ACSL6: variants seen among roughly 807,000 people sequenced by gnomAD.
ACSL6 encodes the protein acyl-CoA synthetase long chain family member 6.
Under a neutral mutation model 98.2 loss-of-function variants are expected in ACSL6, and 47 were observed. The observed-to-expected ratio is 0.48, with a 90% CI of 0.38 to 0.61. The LOEUF is 0.61. Among genes scored for constraint, ACSL6 ranks in the 20% least tolerant of loss-of-function variants. ACSL6 has a pLI of 0.00. For missense variants in ACSL6, 761 were observed against 913.4 expected, an observed-to-expected ratio of 0.83 and a Z score of 2.15; for synonymous variants, 362 against 336.9, an observed-to-expected ratio of 1.07 and a Z score of -0.82.
At chr5:131,979,227 C>G (rs1430138754) in intron 9 of ACSL6, among the ~76,000 whole-genome samples, 1 of 152,188 alleles carries the variant, frequency 6.6e-6, no homozygotes, top group African/African-American at 2.4e-5. Context: ...CAAGTGTCAC[C>G]TAGCAATTTC....
intron 11 of ACSL6, 84 bp from the exon 12 acceptor site, chr5:131,973,484 A>C: frequency 4.9e-6 from 7 of 1,416,446 alleles, no homozygotes; most frequent in African/African-American, 1.4e-5. Context: ...GTGCTGCCCT[A>C]CATGGAGGGC....
At chr5:131,968,341 C>T in intron 15 of ACSL6, 1 of 232,338 alleles carries the variant, frequency 4.3e-6, no homozygotes, top group Non-Finnish European at 8.4e-6. Context: ...AACACAGGGT[C>T]AAGATTTTTG....
At chr5:131,977,059 T>G (rs1753661180) in intron 9 of ACSL6, among the ~76,000 whole-genome samples, 2 of 152,094 alleles carry the variant, frequency 1.3e-5, no homozygotes, top group African/African-American at 4.8e-5. Context: ...CAGCCCCGAG[T>G]CCCCTTACAT....
In ACSL6 at chr5:131,968,011, G is replaced by C. The variant is rs1047704799; in HGVS notation, c.1525C>G (p.Leu509Val). ...DWTSGHVGAPLPCNHIKLVDV... is the reference protein window; with the variant it reads ...DWTSGHVGAPVPCNHIKLVDV... The stretch of plus-strand genomic sequence containing the variant: ...ACGAGCTTGATATGATTGCAGGGAA[G>C]TGGCGCCCCTACGTGCCCTGGAACA... The change falls in exon 16 of 21, where the codon CTT (leucine) becomes GTT (valine). Residue 509 changes from leucine to valine, a missense_variant. Transcript: ENST00000651883. 4 of 1,613,840 alleles carry C rather than the reference G, an allele frequency of 2.5e-6. No homozygotes were observed. The highest frequency in any genetic ancestry group is 3.4e-6 in the Non-Finnish European group (4 of 1,179,920).
chr5:132,006,702 A>T (rs992951636), intron 1 of ACSL6: 2 of 152,074 alleles, frequency 1.3e-5, no homozygotes, highest in Non-Finnish European at 2.9e-5. Context: ...CTCAGAGAAG[A>T]CTCTCTTCCA....
Position 131,976,727 on chromosome 5 carries a change from A to G in ACSL6, c.917-6T>C, listed in dbSNP as rs765501918. 3 of 1,613,754 alleles carry G rather than the reference A, an allele frequency of 1.9e-6. No individual in the cohort carries two copies. In the African/African-American group the frequency reaches 4.0e-5, roughly 22 times the overall value. On this transcript the variant is annotated splice_region_variant and splice_polypyrimidine_tract_variant and intron_variant, in intron 9 of 20. Coordinates refer to ENST00000651883, the MANE Select transcript of ACSL6 (RefSeq NM_001009185.3). ...CATCGCACCTTTTGGGTTCCCTATA[A>G]AAAGAAAGCAAGAAGTCAAATTAGT...
chr5:132,000,109 C>T (rs1755004836), intron 1 of ACSL6, among the ~76,000 whole-genome samples: 1 of 152,170 alleles, frequency 6.6e-6, no homozygotes, highest in East Asian at 1.9e-4. Context: ...ATTCTGCCTC[C>T]AGCCTCTCCC....
In ACSL6 at chr5:131,959,427, C is replaced by T. The variant is rs148221629; in HGVS notation, c.2031+109G>A. 6.5e-5 allele frequency: 78 copies of T among 1,205,300 alleles called. 1 individual carries two copies. The highest frequency in any genetic ancestry group is 2.6e-4 in the East Asian group (11 of 41,782). The allele number at this position is 1,205,300 out of a possible 1,614,324, so 74.7% of individuals were successfully genotyped here. On this transcript the variant is annotated intron_variant, in intron 20 of 20. Transcript: ENST00000651883. ...GGTCCATTGGTACACAGCCTGCTGGCGGGCCACACCATGAAAAGTCAGGAA... is the reference window on the plus strand; with the variant it reads ...GGTCCATTGGTACACAGCCTGCTGGTGGGCCACACCATGAAAAGTCAGGAA...
At chr5:131,990,436 C>G (rs1021139962) in intron 3 of ACSL6, among the ~76,000 whole-genome samples, 10 of 152,162 alleles carry the variant, frequency 6.6e-5, no homozygotes, top group African/African-American at 2.4e-4. Flanking sequence ...GTGTGGTGAT[C>G]CCTATTACAG....
intron 2 of ACSL6, 110 bp from the exon 3 acceptor site, chr5:131,991,077 G>T: frequency 2.3e-6 from 2 of 859,282 alleles, no homozygotes; most frequent in Non-Finnish European, 3.8e-6. Context: ...ACCCGTGCAT[G>T]CAGTTAGCAC....
Position 131,973,346 on chromosome 5 carries a change from G to A in ACSL6, c.1123C>T (p.Leu375Phe), listed in dbSNP as rs1366206429. 6.2e-7 allele frequency: 1 copy of A among 1,614,222 alleles called. No homozygotes were observed. The highest frequency in any genetic ancestry group is 8.5e-7 in the Non-Finnish European group (1 of 1,180,038). ...RVGFFQGDIR[L>F]LSDDMKALCP... ...AGAGCCTTCATGTCATCTGAGAGAA[G>A]GCGGATATCTCCCTGGAAGAAGCCA... The change falls in exon 12 of 21, where the codon CTT becomes TTT. Residue 375 changes from leucine (L) to phenylalanine (F), a missense_variant. Leu to Phe is a conservative substitution (Grantham distance 22). Coordinates refer to ENST00000651883, the MANE Select transcript of ACSL6 (RefSeq NM_001009185.3).
chr5:131,956,021 A>G (rs992720934), intron 20 of ACSL6, among the ~76,000 whole-genome samples: 6 of 152,174 alleles, frequency 3.9e-5, no homozygotes, highest in African/African-American at 1.4e-4. Context: ...AATGAGATAC[A>G]AATGCCAAGA....
chr5:131,954,809 A>G (rs1481880457), intron 20 of ACSL6, among the ~76,000 whole-genome samples: 1 of 152,210 alleles, frequency 6.6e-6, no homozygotes, highest in African/African-American at 2.4e-5. Flanking sequence ...ATGTTAAATA[A>G]TGGGTTATAG....
chr5:131,988,507 C>T, intron 6 of ACSL6: 6 of 1,603,274 alleles, frequency 3.7e-6, no homozygotes, highest in Non-Finnish European at 4.3e-6. Context: ...GAGATATTTA[C>T]CACCCCCTGC....
intron 10 of ACSL6, chr5:131,975,732 G>C: frequency 1.0e-6 from 1 of 985,468 alleles, no homozygotes; most frequent in Non-Finnish European, 1.2e-6. Flanking sequence ...CTCCAGCCAG[G>C]GGAGCCCTGC....
chr5:131,993,274 G>A (rs1014233511), intron 2 of ACSL6: 1 of 152,382 alleles, frequency 6.6e-6, no homozygotes, highest in Non-Finnish European at 1.5e-5. Flanking sequence ...TGCACAACAG[G>A]GTATGTGGTG....
intron 16 of ACSL6, among the ~76,000 whole-genome samples, chr5:131,967,438 C>T (rs1164435171): frequency 3.3e-5 from 5 of 151,830 alleles, no homozygotes; most frequent in African/African-American, 9.7e-5. Context: ...CCGAGGTGGG[C>T]GGATCACGAA....
At position 131,989,452 on chromosome 5, in the gene ACSL6, T is replaced by A; in HGVS notation, c.507A>T (p.Ala169=). ...GSGLLQHNCK[A]CTDQFIGVFA... is the part of the protein sequence containing the mutation. ...AAACACCAATAAACTGATCAGTGCA[T>A]GCTTTACAATTGTGCTGGAGAAGTC... The change falls in exon 5 of 21, where the codon GCA becomes GCT. Residue 169 remains alanine (A), a synonymous_variant. Transcript: ENST00000651883. 3.1e-6 allele frequency: 5 copies of A among 1,614,082 alleles called. No homozygotes were observed. The highest frequency in any genetic ancestry group is 4.2e-6 in the Non-Finnish European group (5 of 1,180,016).
chr5:131,993,055 G>C (rs576157951), intron 2 of ACSL6: 3 of 152,676 alleles, frequency 2.0e-5, no homozygotes, highest in African/African-American at 7.2e-5. Context: ...ACAGCACTTG[G>C]CCAGCCCATC....
Sources: gnomAD v4.1 joint callset for allele counts (sites outside exome capture counted in the v4.1 genomes callset) on GRCh38, gnomAD v4.1.1 for gene constraint, MANE v1.5 for transcripts, NCBI Gene and HGNC (gene_info 2026-07-23, HGNC 2026-07-21) for gene names.